The following CEACAM6 variants were observed in gnomAD, a reference collection of about 807,000 sequenced individuals.
CEACAM6 encodes the protein CEA cell adhesion molecule 6.
A neutral mutation model predicts 32.4 loss-of-function variants in CEACAM6; 21 were observed. The observed-to-expected ratio is 0.65, with a 90% CI of 0.46 to 0.93. The LOEUF (loss-of-function observed/expected upper bound fraction) is 0.93, where lower values mean the gene tolerates loss of function less well. Among genes scored for constraint, CEACAM6 ranks in the 40% least tolerant of loss-of-function variants. The pLI is 0.00. For missense variants in CEACAM6, 406 were observed against 432.2 expected (o/e 0.94, Z 0.54); for synonymous variants, 184 against 174.4 (o/e 1.06, Z -0.43).
Position 41,756,610 on chromosome 19 carries a change from A to G in CEACAM6, c.75A>G (p.Leu25=), listed in dbSNP as rs1555821075. 1 of 1,613,684 alleles carries G rather than the reference A, an allele frequency of 6.2e-7. No homozygotes were observed. Among genetic ancestry groups the G allele is most frequent in the South Asian group, 1.1e-5 (1 of 91,048 alleles). ...TCTCCTCTCTCCTAGCCTCACTTCT[A>G]ACCTTCTGGAACCCACCCACCACTG... ...WKEVLLTASL[L]TFWNPPTTAK... The change falls in exon 2 of 6, where the codon CTA becomes CTG. Residue 25 remains leucine (L), a synonymous_variant. Coordinates refer to ENST00000199764, the MANE Select transcript of CEACAM6 (RefSeq NM_002483.7).
At chr19:41,770,070 A>G (rs1226007972) in intron 5 of CEACAM6, among the ~76,000 whole-genome samples, 1 of 151,572 alleles carries the variant, frequency 6.6e-6, no homozygotes, top group African/African-American at 2.4e-5. Flanking sequence ...GAGGTTTCTA[A>G]AAGTTTAATC....
intron 4 of CEACAM6, among the ~76,000 whole-genome samples, chr19:41,765,921 C>A (rs1299542068): frequency 3.3e-5 from 5 of 152,310 alleles, no homozygotes; most frequent in Non-Finnish European, 5.9e-5. Context: ...GTTCTAATGA[C>A]ATGCAAAAAT....
At chr19:41,758,789 T>C (rs1168899015) in intron 2 of CEACAM6, among the ~76,000 whole-genome samples, 4 of 152,186 alleles carry the variant, frequency 2.6e-5, no homozygotes, top group Admixed American at 1.3e-4. Context: ...GGCTGTCCTG[T>C]TCCCTTCCTG....
chr19:41,759,779 T>C (rs578113864), intron 2 of CEACAM6, among the ~76,000 whole-genome samples: 1 of 152,344 alleles, frequency 6.6e-6, no homozygotes, highest in East Asian at 1.9e-4. Flanking sequence ...TTTTTTACTA[T>C]ATTCAGAACA....
rs528072396 is a variant in CEACAM6, at chr19:41,756,895, T to C, written c.360T>C (p.Tyr120=). The part of the protein sequence containing the change: ...QNVTQNDTGF[Y]TLQVIKSDLV... ...TCACCCAGAATGACACAGGATTCTA[T>C]ACCCTACAAGTCATAAAGTCAGATC... is the stretch of plus-strand genomic sequence containing the variant. Residue 120 remains tyrosine, a synonymous_variant, in exon 2 of 6, where the codon TAT becomes TAC. Coordinates refer to ENST00000199764, the MANE Select transcript of CEACAM6 (RefSeq NM_002483.7). 15 of 1,613,816 alleles carry C rather than the reference T, an allele frequency of 9.3e-6. No individual in the cohort carries two copies. Among genetic ancestry groups the C allele is most frequent in the Middle Eastern group, 1.6e-4 (1 of 6,062 alleles).
chr19:41,764,900 T>C (rs2072947879), intron 4 of CEACAM6, among the ~76,000 whole-genome samples: 1 of 152,264 alleles, frequency 6.6e-6, no homozygotes, highest in Non-Finnish European at 1.5e-5. Context: ...TTAACTTCTC[T>C]GAGCCTTCAA....
chr19:41,766,223 C>T lies in CEACAM6; in HGVS notation c.999C>T (p.Ile333=), dbSNP rs782615378. Residue 333 remains isoleucine, a synonymous_variant, in exon 5 of 6, where the codon ATC becomes ATT. Transcript: ENST00000199764. ...PVLSAVATVG[I]TIGVLARVAL... ...TCTCAGCTGTGGCCACCGTCGGCAT[C>T]ACGATTGGAGTGCTGGCCAGGGTGG... The T allele has an allele frequency of 4.4e-6, 7 of 1,607,546 alleles. No homozygotes were observed. The highest frequency in any genetic ancestry group is 4.2e-6 in the Non-Finnish European group (5 of 1,177,514).
intron 5 of CEACAM6, among the ~76,000 whole-genome samples, chr19:41,767,940 T>C (rs2072965755): frequency 6.6e-6 from 1 of 152,168 alleles, no homozygotes; most frequent in African/African-American, 2.4e-5. Context: ...CTAAGTTATA[T>C]TTATGGTTAT....
intron 4 of CEACAM6, 26 bp downstream of exon 4, chr19:41,762,249 A>G (rs2072930747): frequency 6.2e-7 from 1 of 1,602,368 alleles, no homozygotes; most frequent in South Asian, 1.1e-5. Context: ...AAGCACTAGC[A>G]TCACATTTTC....
At chr19:41,768,065 T>TTTTTTA (rs1896758977) in intron 5 of CEACAM6, among the ~76,000 whole-genome samples, 1 of 152,110 alleles carries the variant, frequency 6.6e-6, no homozygotes, top group Non-Finnish European at 1.5e-5. Context: ...GATGCATTCT[T>TTTTTTA]TTTTTATTTT....
intron 1 of CEACAM6, among the ~76,000 whole-genome samples, chr19:41,755,984 A>C (rs1333737452): frequency 3.3e-5 from 5 of 152,244 alleles, no homozygotes; most frequent in African/African-American, 1.2e-4. Flanking sequence ...CTGCATTAGG[A>C]TGACACTCCA....
intron 4 of CEACAM6, among the ~76,000 whole-genome samples, chr19:41,765,530 G>A (rs1555822317): frequency 6.6e-6 from 1 of 152,240 alleles, no homozygotes; most frequent in Admixed American, 6.5e-5. Context: ...CAGCCATGAG[G>A]GAAGGTGGAG....
Position 41,755,580 on chromosome 19 carries a change from A to G in CEACAM6, c.-59A>G. ...CAACAGTCACAGCAGCCCTGACCAG[A>G]GCATTCCTGGAGCTCAAGCTCCTCT... On this transcript the variant is annotated 5_prime_UTR_variant, in exon 1 of 6. Transcript: ENST00000199764. 1.3e-6 allele frequency: 2 copies of G among 1,531,398 alleles called. No homozygotes were observed. Among genetic ancestry groups the G allele is most frequent in the Non-Finnish European group, 1.8e-6 (2 of 1,105,536 alleles). 94.9% of individuals were successfully genotyped at this position (1,531,398 alleles called of 1,614,324 possible).
Position 41,761,985 on chromosome 19 carries a change from C to A in CEACAM6, c.720C>A (p.Pro240=). The change falls in exon 4 of 6, where the codon CCC becomes CCA. Residue 240 remains proline (P), a synonymous_variant. Coordinates refer to ENST00000199764, the MANE Select transcript of CEACAM6 (RefSeq NM_002483.7). ...TTCCTCCAGATGGCCCAGATGTCCC[C>A]ACCATTTCCCCCTCAAAGGCCAATT... ...TLNVLYGPDV[P]TISPSKANYR... 1 of 1,614,060 alleles carries A rather than the reference C, an allele frequency of 6.2e-7. No individual in the cohort carries two copies. Among genetic ancestry groups the A allele is most frequent in the South Asian group, 1.1e-5 (1 of 91,066 alleles).
chr19:41,761,037 A>G (rs548286705), intron 2 of CEACAM6, among the ~76,000 whole-genome samples: 3 of 152,304 alleles, frequency 2.0e-5, no homozygotes, highest in Admixed American at 2.0e-4. Flanking sequence ...CACACTTGAG[A>G]AAGACTGTGC....
Position 41,761,293 on chromosome 19 carries a change from G to A in CEACAM6, c.469G>A (p.Val157Met), listed in dbSNP as rs143159805. The stretch of plus-strand genomic sequence containing the variant: ...CATCTCCAGCAACAACTCCAACCCC[G>A]TGGAGGACAAGGATGCTGTGGCCTT... Reference protein sequence around the residue: ...PSISSNNSNPVEDKDAVAFTC... With the variant: ...PSISSNNSNPMEDKDAVAFTC... Residue 157 changes from valine to methionine, a missense_variant, in exon 3 of 6, where the codon GTG becomes ATG. Transcript: ENST00000199764. 4.1e-4 allele frequency: 658 copies of A among 1,614,138 alleles called. No individual in the cohort carries two copies. Among genetic ancestry groups the A allele is most frequent in the African/African-American group, 1.7e-3 (130 of 75,022 alleles).
chr19:41,766,772 C>T (rs1385386206), intron 5 of CEACAM6, among the ~76,000 whole-genome samples: 1 of 151,992 alleles, frequency 6.6e-6, no homozygotes, highest in Non-Finnish European at 1.5e-5. Flanking sequence ...CTTGGGAGGC[C>T]GAGGTGGGCG....
chr19:41,769,643 C>T (rs569274559), intron 5 of CEACAM6, among the ~76,000 whole-genome samples: 67 of 151,600 alleles, frequency 4.4e-4, no homozygotes, highest in Non-Finnish European at 8.8e-4. Context: ...TTTCTCCCTA[C>T]CTGACTGCTC....
rs1401689573 is a variant in CEACAM6 at position 41,756,844 on chromosome 19, C to T, written c.309C>T (p.Pro103=). ...ACAGTGGTCGAGAGACAATATACCC[C>T]AATGCATCCCTGCTGATCCAGAACG... ...PAYSGRETIY[P]NASLLIQNVT... is the part of the protein sequence containing the mutation. Residue 103 remains proline, a synonymous_variant, in exon 2 of 6, where the codon CCC becomes CCT. Coordinates refer to ENST00000199764, the MANE Select transcript of CEACAM6 (RefSeq NM_002483.7). 1.9e-6 allele frequency: 3 copies of T among 1,614,008 alleles called. No individual in the cohort carries two copies. The highest frequency in any genetic ancestry group is 2.5e-6 in the Non-Finnish European group (3 of 1,180,034).
Sources: gnomAD v4.1 joint callset for allele counts (sites outside exome capture counted in the v4.1 genomes callset) on GRCh38, gnomAD v4.1.1 for gene constraint, MANE v1.5 for transcripts, NCBI Gene and HGNC (gene_info 2026-07-23, HGNC 2026-07-21) for gene names.